CMIP: variants seen among roughly 807,000 people sequenced by gnomAD.
CMIP encodes C-Maf-inducing protein.
CMIP carries 13 observed loss-of-function variants against 97.3 expected under a neutral mutation model. That is an observed-to-expected ratio of 0.13 (90% confidence interval 0.09 to 0.21). The LOEUF (loss-of-function observed/expected upper bound fraction) is 0.21, where lower values mean the gene tolerates loss of function less well. Ranked by LOEUF, CMIP falls within the 10% of genes least tolerant of loss-of-function variation. The probability of loss-of-function intolerance (pLI) is 1.00; values close to 1 mark genes in which losing one functional copy is unlikely to be tolerated. For missense variants in CMIP, 847 were observed against 1,024.9 expected (o/e 0.83, Z 2.37); for synonymous variants, 538 against 436.3 (o/e 1.23, Z -2.91).
intron 3 of CMIP, among the ~76,000 whole-genome samples, chr16:81,648,213 T>C (rs572237258): frequency 1.3e-5 from 2 of 151,962 alleles, no homozygotes; most frequent in African/African-American, 2.4e-5. Context: ...ACTGATGTGA[T>C]GGAAAGAGCT....
intron 8 of CMIP, among the ~76,000 whole-genome samples, chr16:81,671,674 A>C (rs1432979194): frequency 6.6e-6 from 1 of 152,214 alleles, no homozygotes; most frequent in Non-Finnish European, 1.5e-5. Context: ...TCGCTGCAGA[A>C]ACAGGGTGGA....
chr16:81,615,738 T>G (rs887190280), intron 2 of CMIP, among the ~76,000 whole-genome samples: 1 of 150,680 alleles, frequency 6.6e-6, no homozygotes, highest in Admixed American at 6.6e-5. Flanking sequence ...TGTGTGTGTA[T>G]GGTGTGTGTG....
intron 1 of CMIP, among the ~76,000 whole-genome samples, chr16:81,593,724 G>A (rs977733548): frequency 3.3e-5 from 5 of 152,082 alleles, no homozygotes; most frequent in African/African-American, 9.7e-5. Context: ...CGCCTCACCC[G>A]GTGCCTGCCT....
chr16:81,520,914 C>T (rs12921841), intron 1 of CMIP, among the ~76,000 whole-genome samples: 4 of 151,924 alleles, frequency 2.6e-5, no homozygotes, highest in African/African-American at 4.8e-5. Context: ...GAGCTGCTGT[C>T]GTGAGTGTGT....
intron 2 of CMIP, among the ~76,000 whole-genome samples, chr16:81,617,791 C>G (rs1006321084): frequency 6.6e-6 from 1 of 152,248 alleles, no homozygotes; most frequent in Non-Finnish European, 1.5e-5. Context: ...TTCCTTTGTT[C>G]ATTCATTCAG....
intron 1 of CMIP, among the ~76,000 whole-genome samples, chr16:81,461,972 C>T (rs1303566478): frequency 6.6e-6 from 1 of 152,180 alleles, no homozygotes; most frequent in Non-Finnish European, 1.5e-5. Context: ...AGCTGGCTGC[C>T]CTCATAAAGA....
At chr16:81,582,962 G>A (rs2091321094) in intron 1 of CMIP, among the ~76,000 whole-genome samples, 1 of 152,204 alleles carries the variant, frequency 6.6e-6, no homozygotes, top group Non-Finnish European at 1.5e-5. Context: ...GTGTGGGGTA[G>A]CAGATGCTCC....
chr16:81,529,507 T>C (rs537704202), intron 1 of CMIP, among the ~76,000 whole-genome samples: 4 of 152,232 alleles, frequency 2.6e-5, no homozygotes, highest in East Asian at 1.9e-4. Flanking sequence ...GACAGACTCA[T>C]GGGCCCTCAA....
At chr16:81,688,511 G>A (rs1021611109) in intron 10 of CMIP, among the ~76,000 whole-genome samples, 2 of 152,166 alleles carry the variant, frequency 1.3e-5, no homozygotes, top group African/African-American at 4.8e-5. Flanking sequence ...TGTTAAGTGG[G>A]GTTAGTCACA....
intron 1 of CMIP, among the ~76,000 whole-genome samples, chr16:81,517,469 T>G (rs998294200): frequency 6.6e-6 from 1 of 152,238 alleles, no homozygotes; most frequent in Non-Finnish European, 1.5e-5. Flanking sequence ...AAAGGTATTT[T>G]TTAATATGTA....
At chr16:81,656,359 A>G (rs2092481896) in intron 4 of CMIP, among the ~76,000 whole-genome samples, 1 of 152,266 alleles carries the variant, frequency 6.6e-6, no homozygotes, top group Admixed American at 6.5e-5. Context: ...GTCTAGAACC[A>G]GAACAATCGA....
intron 1 of CMIP, among the ~76,000 whole-genome samples, chr16:81,510,510 G>T (rs375418507): frequency 9.5e-4 from 145 of 152,230 alleles, no homozygotes; most frequent in African/African-American, 3.4e-3. Context: ...GTAAACTGAG[G>T]TTTAGCAAGC....
chr16:81,491,278 C>T (rs1175470584), intron 1 of CMIP, among the ~76,000 whole-genome samples: 1 of 152,178 alleles, frequency 6.6e-6, no homozygotes, highest in African/African-American at 2.4e-5. Flanking sequence ...CAGGGCTGGG[C>T]CAGCCCTTGC....
intron 1 of CMIP, among the ~76,000 whole-genome samples, chr16:81,599,164 A>G (rs6564894): frequency 0.25 from 37,248 of 151,542 alleles, 6,859 homozygotes; most frequent in African/African-American, 0.51. Flanking sequence ...TGTGCCCACA[A>G]CACCAAGGGC....
intron 1 of CMIP, among the ~76,000 whole-genome samples, chr16:81,500,757 G>A (rs936414850): frequency 6.6e-6 from 1 of 151,768 alleles, no homozygotes; most frequent in African/African-American, 2.4e-5. Context: ...CCAAAGTGTT[G>A]GCATTACAGG....
At chr16:81,475,935 T>A in intron 1 of CMIP, 1 of 414,124 alleles carries the variant, frequency 2.4e-6, no homozygotes, top group South Asian at 2.1e-5. Context: ...TGCAGTGAGC[T>A]GAGATTGCTC....
At chr16:81,507,941 T>C (rs1597487132) in intron 1 of CMIP, among the ~76,000 whole-genome samples, 1 of 152,144 alleles carries the variant, frequency 6.6e-6, no homozygotes, top group Non-Finnish European at 1.5e-5. Context: ...ATCCGGTGAT[T>C]TTTGCCTTTC....
rs2091919022 is a variant in CMIP, at chr16:81,616,418, C to T, written c.427-4458C>T. 6.6e-6 allele frequency among the ~76,000 whole-genome samples: 1 copy of T among 152,182 alleles called. No individual in the cohort carries two copies. The highest frequency in any genetic ancestry group is 1.5e-5 in the Non-Finnish European group (1 of 68,040). On this transcript the variant is annotated intron_variant, in intron 2 of 20. Coordinates refer to ENST00000537098, the MANE Select transcript of CMIP (RefSeq NM_198390.3). The surrounding 1 kb of genome is among the most constrained non-coding windows in gnomAD (Gnocchi z 4.7). ...ACTGCCTGCTCCGAGCCTCAGCTTC[C>T]TCATCTGTAAGATGGGTGCGTTGAG...
At chr16:81,479,772 C>T (rs1490217762) in intron 1 of CMIP, among the ~76,000 whole-genome samples, 1 of 152,126 alleles carries the variant, frequency 6.6e-6, no homozygotes, top group Non-Finnish European at 1.5e-5. Flanking sequence ...ATCCTGTACC[C>T]GTTAACAGTC....
Sources: allele counts gnomAD v4.1 joint callset (sites outside exome capture counted in the v4.1 genomes callset), GRCh38; gene constraint gnomAD v4.1.1; non-coding constraint Gnocchi (gnomAD v3.1); transcripts MANE v1.5; gene names NCBI Gene and HGNC (gene_info 2026-07-23, HGNC 2026-07-21).